The following GADL1 variants were observed in gnomAD, a reference collection of about 807,000 sequenced individuals.
The protein encoded by GADL1 is acidic amino acid decarboxylase GADL1.
GADL1 carries 71 observed loss-of-function variants against 69.5 expected under a neutral mutation model. That is an observed-to-expected ratio of 1.02 (90% confidence interval 0.84 to 1.25). The LOEUF is 1.25. GADL1 is among the 50% of genes most tolerant of loss of function. GADL1 has a pLI of 0.00. For synonymous variants in GADL1, 254 were observed against 214.4 expected (o/e 1.18, Z -1.62); for missense variants, 737 against 631.8 (o/e 1.17, Z -1.79).
chr3:30,802,761 G>A (rs1697188014), intron 11 of GADL1, among the ~76,000 whole-genome samples: 1 of 152,072 alleles, frequency 6.6e-6, no homozygotes, highest in Non-Finnish European at 1.5e-5. Context: ...ATATAACCAA[G>A]AATTACAATA....
chr3:30,796,148 T>C (rs942899321), intron 12 of GADL1, among the ~76,000 whole-genome samples: 1 of 152,186 alleles, frequency 6.6e-6, no homozygotes. Flanking sequence ...TATAACCTTA[T>C]TTCAAGACAC....
At chr3:30,857,223 TAC>T in intron 2 of GADL1, 82 bp from the exon 3 acceptor site, 1 of 1,204,838 alleles carries the variant, frequency 8.3e-7, no homozygotes, top group Non-Finnish European at 1.2e-6. Context: ...ACTCTACCAT[TAC>T]AAAGCTTCTG....
chr3:30,801,040 G>A lies in GADL1; in HGVS notation c.1099C>T (p.Gln367Ter). The change falls in exon 12 of 15, where the codon CAG becomes TAG. Residue 367 changes from glutamine to a stop codon, truncating the protein, a stop_gained. Transcript: ENST00000282538. LOFTEE classifies it high-confidence loss of function. ...TAGCTCACATCATAGAATTTATCCT[G>A]CTGGAAGAGGTAAGATGCCTTGGCA... ...YSAKASYLFQ[Q>*]DKFYDVSYDT... is the part of the protein sequence containing the mutation. 6.2e-7 allele frequency: 1 copy of A among 1,613,962 alleles called. No homozygotes were observed. Among genetic ancestry groups the A allele is most frequent in the Non-Finnish European group, 8.5e-7 (1 of 1,179,906 alleles).
intron 1 of GADL1, among the ~76,000 whole-genome samples, chr3:30,873,111 C>A (rs1439937008): frequency 2.0e-5 from 3 of 151,900 alleles, no homozygotes; most frequent in South Asian, 2.1e-4. Flanking sequence ...TAATGCAAGC[C>A]ACTGACACAA....
chr3:30,780,684 A>C (rs1024206245), intron 13 of GADL1, among the ~76,000 whole-genome samples: 1 of 152,190 alleles, frequency 6.6e-6, no homozygotes. Flanking sequence ...CTTAGATCTG[A>C]TTCCTTTTGC....
At chr3:30,779,471 C>G (rs1367360653) in intron 13 of GADL1, among the ~76,000 whole-genome samples, 1 of 152,178 alleles carries the variant, frequency 6.6e-6, no homozygotes, top group Non-Finnish European at 1.5e-5. Flanking sequence ...AAATGAAACA[C>G]TGTAATTCAA....
chr3:30,770,970 A>AC (rs1473810465), intron 14 of GADL1, among the ~76,000 whole-genome samples: 1 of 152,212 alleles, frequency 6.6e-6, no homozygotes, highest in African/African-American at 2.4e-5. Flanking sequence ...TCAGCAAATA[A>AC]GCAAAGTAAT....
At chr3:30,819,231 C>T (rs1369202414) in intron 11 of GADL1, among the ~76,000 whole-genome samples, 1 of 151,926 alleles carries the variant, frequency 6.6e-6, no homozygotes, top group African/African-American at 2.4e-5. Context: ...ATTGCTTTCT[C>T]TTCAGAGAGT....
intron 14 of GADL1, among the ~76,000 whole-genome samples, chr3:30,762,357 G>A (rs795439): frequency 0.86 from 130,780 of 152,228 alleles, 56,761 homozygotes; most frequent in African/African-American, 0.96. Context: ...TTCGAAGACT[G>A]AAGTTTTCAT....
chr3:30,864,836 A>G (rs987868001), intron 1 of GADL1, among the ~76,000 whole-genome samples: 1 of 151,898 alleles, frequency 6.6e-6, no homozygotes, highest in Non-Finnish European at 1.5e-5. Flanking sequence ...CTTAGTTCAA[A>G]CCACCTTCAA....
intron 1 of GADL1, among the ~76,000 whole-genome samples, chr3:30,867,213 C>T (rs1348533464): frequency 6.6e-6 from 1 of 151,832 alleles, no homozygotes; most frequent in Non-Finnish European, 1.5e-5. Context: ...TCTAAAATTT[C>T]AGGAAGTATT....
At chr3:30,855,038 T>C (rs187483368) in intron 3 of GADL1, among the ~76,000 whole-genome samples, 1 of 152,098 alleles carries the variant, frequency 6.6e-6, no homozygotes. Flanking sequence ...TCTGGAGTGC[T>C]AGAATTGGTC....
chr3:30,852,003 G>GA (rs1443478483), intron 4 of GADL1, among the ~76,000 whole-genome samples: 1 of 151,922 alleles, frequency 6.6e-6, no homozygotes, highest in East Asian at 1.9e-4. Flanking sequence ...TTCAATTGAG[G>GA]GATTACATTA....
At chr3:30,881,623 C>A (rs1005804057) in intron 1 of GADL1, among the ~76,000 whole-genome samples, 6 of 151,832 alleles carry the variant, frequency 4.0e-5, no homozygotes, top group Non-Finnish European at 5.9e-5. Context: ...AATGAAGGGA[C>A]AAACAACTGG....
chr3:30,865,300 TA>T (rs1331898304), intron 1 of GADL1, among the ~76,000 whole-genome samples: 3,527 of 148,958 alleles, frequency 0.024, 75 homozygotes, highest in African/African-American at 0.05. Flanking sequence ...TATATATATA[TA>T]TATATTTTTT....
intron 12 of GADL1, chr3:30,799,774 A>G (rs1010118162): frequency 2.0e-5 from 3 of 152,176 alleles, no homozygotes; most frequent in African/African-American, 7.2e-5. Context: ...GCTGCTTAAA[A>G]ATTTCTTCCA....
At chr3:30,864,088 A>C (rs1698360598) in intron 1 of GADL1, among the ~76,000 whole-genome samples, 2 of 152,042 alleles carry the variant, frequency 1.3e-5, no homozygotes, top group Non-Finnish European at 2.9e-5. Context: ...TTGAAACCCT[A>C]GAATTGAGCT....
chr3:30,842,810 C>T (rs1697989342), intron 8 of GADL1, among the ~76,000 whole-genome samples: 1 of 106,182 alleles, frequency 9.4e-6, no homozygotes. Context: ...GTTCACTTGT[C>T]ATTGGAATGT....
At chr3:30,810,784 C>T (rs1274630501) in intron 11 of GADL1, among the ~76,000 whole-genome samples, 1 of 152,048 alleles carries the variant, frequency 6.6e-6, no homozygotes, top group African/African-American at 2.4e-5. Flanking sequence ...CTCTCTCTCC[C>T]AGTCACCCAC....
Sources: allele counts gnomAD v4.1 joint callset (sites outside exome capture counted in the v4.1 genomes callset), GRCh38; gene constraint gnomAD v4.1.1; transcripts MANE v1.5; gene names NCBI Gene and HGNC (gene_info 2026-07-23, HGNC 2026-07-21).